The following PASD1 variants were observed in gnomAD, a reference collection of about 807,000 sequenced individuals.
PASD1 encodes the protein circadian clock protein PASD1.
PASD1 carries 13 observed loss-of-function variants against 58.8 expected under a neutral mutation model. The observed-to-expected ratio is 0.22, with a 90% CI of 0.14 to 0.35. The LOEUF (loss-of-function observed/expected upper bound fraction) is 0.35, where lower values mean the gene tolerates loss of function less well. PASD1 is among the 10% of genes least tolerant of loss of function. The pLI is 1.00. For synonymous variants in PASD1, 236 were observed against 216.7 expected (o/e 1.09, Z -0.78); for missense variants, 734 against 568.3 (o/e 1.29, Z -2.96).
intron 7 of PASD1, 74 bp downstream of exon 7, chrX:151,623,138 T>C: frequency 9.0e-7 from 1 of 1,113,229 alleles, no homozygotes; most frequent in Non-Finnish European, 1.2e-6. Context: ...TCCCCTTTGG[T>C]CTGTCAGCCA....
intron 9 of PASD1, among the ~76,000 whole-genome samples, chrX:151,657,697 G>C (rs926226789): frequency 2.7e-5 from 3 of 111,203 alleles, no homozygotes; most frequent in African/African-American, 6.5e-5. Context: ...TGTGGGATCG[G>C]TGGTGATATC....
At chrX:151,576,551 C>G (rs1468384751) in intron 1 of PASD1, among the ~76,000 whole-genome samples, 2 of 112,299 alleles carry the variant, frequency 1.8e-5, no homozygotes, top group Non-Finnish European at 3.7e-5. Flanking sequence ...TGAGATTCTA[C>G]TTGATCACTT....
chrX:151,664,068 T>C lies in PASD1; in HGVS notation c.842-51T>C, dbSNP rs755873000. On this transcript the variant is annotated intron_variant, in intron 10 of 15. Coordinates refer to ENST00000370357, the MANE Select transcript of PASD1 (RefSeq NM_173493.3). ...CCCTCGTACAGTCTTTTTGATAACA[T>C]TAGTACTTTTGCTTTTTAAGTCATG... 7 of 1,203,915 alleles carry C rather than the reference T, an allele frequency of 5.8e-6. No homozygotes were observed. In the South Asian group the frequency reaches 1.1e-4, roughly 18 times the overall value.
chrX:151,671,607 C>T lies in PASD1; in HGVS notation c.1265C>T (p.Pro422Leu). The change falls in exon 13 of 16, where the codon CCT (proline) becomes CTT (leucine). Residue 422 changes from proline to leucine, a missense_variant. Physicochemically the swap from Pro to Leu is moderately conservative, Grantham distance 98. Coordinates refer to ENST00000370357, the MANE Select transcript of PASD1 (RefSeq NM_173493.3). The stretch of plus-strand genomic sequence containing the variant: ...AACACATTACGCCACGTTGTCATTC[C>T]TGATCTCCAATCTTCGGAGGCAGTG... ...QPNTLRHVVIPDLQSSEAVPK... is the reference protein window; with the variant it reads ...QPNTLRHVVILDLQSSEAVPK... 2 of 1,211,597 alleles carry T rather than the reference C, an allele frequency of 1.7e-6. No homozygotes were observed. The highest frequency in any genetic ancestry group is 2.2e-6 in the Non-Finnish European group (2 of 895,524).
chrX:151,609,098 A>T (rs967171438), intron 3 of PASD1, among the ~76,000 whole-genome samples: 1 of 110,125 alleles, frequency 9.1e-6, no homozygotes, highest in South Asian at 3.8e-4. Flanking sequence ...TTTGGGGTTC[A>T]TTTTTTGTTC....
At chrX:151,612,822 T>G (rs2013583921) in intron 4 of PASD1, among the ~76,000 whole-genome samples, 1 of 112,038 alleles carries the variant, frequency 8.9e-6, no homozygotes, top group Admixed American at 9.5e-5. Context: ...TTTAGTTTAA[T>G]TAGATTCCAT....
At chrX:151,570,880 C>A (rs1274952344) in intron 1 of PASD1, among the ~76,000 whole-genome samples, 3 of 112,159 alleles carry the variant, frequency 2.7e-5, no homozygotes, top group South Asian at 3.7e-4. Context: ...AGCGGCCCAC[C>A]ACAGCCTTAG....
chrX:151,631,909 A>G (rs1473277383), intron 8 of PASD1, among the ~76,000 whole-genome samples: 1 of 112,000 alleles, frequency 8.9e-6, no homozygotes, highest in Non-Finnish European at 1.9e-5. Flanking sequence ...TGTGGCTAGC[A>G]TGCCTAGTCT....
At chrX:151,624,056 C>G (rs747146837) in intron 7 of PASD1, among the ~76,000 whole-genome samples, 5 of 111,373 alleles carry the variant, frequency 4.5e-5, no homozygotes. Context: ...TTTTAAAGGT[C>G]AGGCTGAATA....
intron 9 of PASD1, among the ~76,000 whole-genome samples, chrX:151,654,576 GA>G (rs2014212101): frequency 8.9e-6 from 1 of 112,218 alleles, no homozygotes. Context: ...GCAAAGTGAA[GA>G]AAGTATTTAC....
intron 10 of PASD1, among the ~76,000 whole-genome samples, chrX:151,662,450 T>A (rs1011563486): frequency 9.0e-6 from 1 of 111,184 alleles, no homozygotes; most frequent in Non-Finnish European, 1.9e-5. Flanking sequence ...GGAACCTTAT[T>A]TAGGTCCTTT....
chrX:151,635,220 T>TG (rs1038396354), intron 8 of PASD1, among the ~76,000 whole-genome samples: 1 of 111,454 alleles, frequency 9.0e-6, no homozygotes, highest in African/African-American at 3.3e-5. Context: ...GTATTTTCTC[T>TG]GCCTCAGAGA....
At chrX:151,573,307 C>G (rs1255504617) in intron 1 of PASD1, among the ~76,000 whole-genome samples, 1 of 111,805 alleles carries the variant, frequency 8.9e-6, no homozygotes, top group Non-Finnish European at 1.9e-5. Context: ...CAAACTATAT[C>G]ATCATCTGTC....
intron 7 of PASD1, among the ~76,000 whole-genome samples, chrX:151,623,845 A>G (rs149526452): frequency 9.0e-6 from 1 of 111,728 alleles, no homozygotes; most frequent in African/African-American, 3.3e-5. Context: ...GACCTAAGGT[A>G]GTAACTAGCT....
At chrX:151,614,286 A>G (rs903558019) in intron 4 of PASD1, among the ~76,000 whole-genome samples, 2 of 111,535 alleles carry the variant, frequency 1.8e-5, no homozygotes, top group South Asian at 7.7e-4. Flanking sequence ...TGCCCAGCCT[A>G]GGGGTTTCTT....
chrX:151,661,128 C>T (rs1434495170), intron 10 of PASD1, among the ~76,000 whole-genome samples: 2 of 107,239 alleles, frequency 1.9e-5, no homozygotes, highest in Non-Finnish European at 3.9e-5. Context: ...GCACTCCAGC[C>T]TGGGCGACAG....
intron 1 of PASD1, among the ~76,000 whole-genome samples, chrX:151,594,818 A>G (rs762625887): frequency 2.1e-4 from 23 of 110,993 alleles, no homozygotes; most frequent in Admixed American, 9.6e-5. Flanking sequence ...TAATATTTCT[A>G]TTAAAGCTGG....
chrX:151,572,487 A>G (rs1213194504), intron 1 of PASD1, among the ~76,000 whole-genome samples: 1 of 112,261 alleles, frequency 8.9e-6, no homozygotes, highest in Non-Finnish European at 1.9e-5. Flanking sequence ...GGAAACCTTA[A>G]TAAATACGGA....
chrX:151,579,805 A>G (rs1327534257), intron 1 of PASD1, among the ~76,000 whole-genome samples: 1 of 111,919 alleles, frequency 8.9e-6, no homozygotes, highest in Admixed American at 9.5e-5. Flanking sequence ...AAGATTACAC[A>G]TGTTGGATTG....
Sources: allele counts gnomAD v4.1 joint callset (sites outside exome capture counted in the v4.1 genomes callset), GRCh38; gene constraint gnomAD v4.1.1; transcripts MANE v1.5; gene names NCBI Gene and HGNC (gene_info 2026-07-23, HGNC 2026-07-21).